The following FOXP1 variants were observed in gnomAD, a reference collection of about 807,000 sequenced individuals.
The protein encoded by FOXP1 is forkhead box P1, also known as forkhead box protein P1.
Under a neutral mutation model 98.2 loss-of-function variants are expected in FOXP1, and 15 were observed. The ratio of observed to expected loss-of-function variants is 0.15; its 90% CI spans 0.10 to 0.24. The LOEUF (loss-of-function observed/expected upper bound fraction) is 0.24, where lower values mean the gene tolerates loss of function less well. Among genes scored for constraint, FOXP1 ranks in the 10% least tolerant of loss-of-function variants. The probability of loss-of-function intolerance (pLI) is 1.00; values close to 1 mark genes in which losing one functional copy is unlikely to be tolerated. For missense variants in FOXP1, 633 were observed against 848.5 expected, an observed-to-expected ratio of 0.75 and a Z score of 3.15; for synonymous variants, 371 against 314.5, an observed-to-expected ratio of 1.18 and a Z score of -1.90.
At chr3:71,134,855 C>T (rs184440056) in intron 6 of FOXP1, among the ~76,000 whole-genome samples, 9 of 152,084 alleles carry the variant, frequency 5.9e-5, no homozygotes, top group African/African-American at 2.2e-4. Context: ...CTATTTGTAC[C>T]CCCCAACACT....
chr3:71,199,579 A>G (rs995380502), intron 5 of FOXP1, among the ~76,000 whole-genome samples: 2 of 150,528 alleles, frequency 1.3e-5, no homozygotes, highest in East Asian at 4.0e-4. Flanking sequence ...GTAGAAAAAA[A>G]GAAAAAAAAA....
At chr3:71,170,099 C>T (rs186006642) in intron 6 of FOXP1, among the ~76,000 whole-genome samples, 19 of 152,240 alleles carry the variant, frequency 1.2e-4, no homozygotes, top group East Asian at 3.9e-4. Flanking sequence ...TCAGCACAAT[C>T]GTATTTATCT....
chr3:71,058,571 C>A (rs1253292042), intron 7 of FOXP1, among the ~76,000 whole-genome samples: 1 of 133,636 alleles, frequency 7.5e-6, no homozygotes. Flanking sequence ...CAAAACCAAA[C>A]AGAGAAAATA....
At chr3:71,519,497 T>C (rs1235896228) in intron 2 of FOXP1, among the ~76,000 whole-genome samples, 1 of 152,160 alleles carries the variant, frequency 6.6e-6, no homozygotes, top group African/African-American at 2.4e-5. Context: ...ATAAGTATAT[T>C]AGGATTCTCT....
At chr3:71,413,512 C>A (rs1226909901) in intron 3 of FOXP1, among the ~76,000 whole-genome samples, 1 of 152,076 alleles carries the variant, frequency 6.6e-6, no homozygotes, top group African/African-American at 2.4e-5. Flanking sequence ...CCTCCCCCCA[C>A]CCTGCAAAAT....
Position 70,959,209 on chromosome 3 carries a change from T to C in FOXP1, c.*38A>G, listed in dbSNP as rs760407960. On this transcript the variant is annotated 3_prime_UTR_variant, in exon 21 of 21. Transcript: ENST00000649528. Reference sequence around the variant, plus strand: ...TGACGTGTTTTTTTTTTTTTCCTTTTTCCAATCTTCATTCTCGGGGTTGGC... The same window carrying C: ...TGACGTGTTTTTTTTTTTTTCCTTTCTCCAATCTTCATTCTCGGGGTTGGC... 2 of 1,611,094 alleles carry C rather than the reference T, an allele frequency of 1.2e-6. No homozygotes were observed. The highest frequency in any genetic ancestry group is 2.2e-5 in the South Asian group (2 of 90,682).
intron 6 of FOXP1, among the ~76,000 whole-genome samples, chr3:71,171,014 AAACT>A (rs1367649458): frequency 6.6e-6 from 1 of 152,074 alleles, no homozygotes; most frequent in African/African-American, 2.4e-5. Flanking sequence ...TCTTCACCTA[AAACT>A]AACTGCAAAA....
chr3:71,276,000 T>G (rs765091578), intron 5 of FOXP1: 21 of 152,160 alleles, frequency 1.4e-4, no homozygotes, highest in Non-Finnish European at 2.8e-4. Flanking sequence ...CCACGCTAAT[T>G]TGCACAAATG....
intron 7 of FOXP1, among the ~76,000 whole-genome samples, chr3:71,060,700 C>T (rs918710446): frequency 6.6e-6 from 1 of 152,008 alleles, no homozygotes; most frequent in African/African-American, 2.4e-5. Context: ...AATAACAAGC[C>T]CTTGAGAAAT....
At chr3:71,554,474 T>C (rs1307232590) in intron 2 of FOXP1, among the ~76,000 whole-genome samples, 5 of 152,230 alleles carry the variant, frequency 3.3e-5, no homozygotes, top group African/African-American at 9.6e-5. Flanking sequence ...TAATGTTAGA[T>C]GCTTTACCTT....
chr3:71,403,382 A>C lies in FOXP1; in HGVS notation c.-167-44138T>G, dbSNP rs186783316. On this transcript the variant is annotated intron_variant, in intron 3 of 20. Coordinates refer to ENST00000649528, the MANE Select transcript of FOXP1 (RefSeq NM_001349338.3). Reference sequence around the variant, plus strand: ...CTCATCACTGAAAGTTTTCAGGGTGATGGCTCATAAATGGTGAAGAAAAAA... The same window carrying C: ...CTCATCACTGAAAGTTTTCAGGGTGCTGGCTCATAAATGGTGAAGAAAAAA... Among the ~76,000 whole-genome samples, 432 of 152,364 alleles carry C rather than the reference A, an allele frequency of 2.8e-3. 2 individuals carry two copies. Among genetic ancestry groups the C allele is most frequent in the African/African-American group, 0.01 (417 of 41,590 alleles).
intron 5 of FOXP1, among the ~76,000 whole-genome samples, chr3:71,203,410 C>G (rs889835291): frequency 2.0e-5 from 3 of 152,194 alleles, no homozygotes; most frequent in Admixed American, 2.0e-4. Flanking sequence ...CAGAGCTGCT[C>G]TCTGGAAGTA....
intron 5 of FOXP1, among the ~76,000 whole-genome samples, chr3:71,227,797 G>A (rs1300645697): frequency 2.0e-5 from 3 of 151,548 alleles, no homozygotes; most frequent in South Asian, 2.1e-4. Context: ...ATCCTGAAAC[G>A]TATTTACCTG....
At chr3:71,319,618 T>C (rs972318772) in intron 4 of FOXP1, among the ~76,000 whole-genome samples, 2 of 152,148 alleles carry the variant, frequency 1.3e-5, no homozygotes, top group African/African-American at 2.4e-5. Context: ...TCTCCACTTA[T>C]TCATCTTCTA....
intron 5 of FOXP1, among the ~76,000 whole-genome samples, chr3:71,246,765 G>T (rs531441118): frequency 4.4e-4 from 67 of 152,232 alleles, no homozygotes; most frequent in Non-Finnish European, 8.8e-4. Flanking sequence ...AGTTCAGCGC[G>T]TCTTAGCACT....
intron 2 of FOXP1, among the ~76,000 whole-genome samples, chr3:71,549,082 C>A (rs555754766): frequency 2.0e-5 from 3 of 152,284 alleles, no homozygotes; most frequent in South Asian, 4.1e-4. Flanking sequence ...TTGTTGACTT[C>A]TGAGCTGCTA....
chr3:71,300,040 C>G (rs910745063), intron 4 of FOXP1, among the ~76,000 whole-genome samples, 160 bp from the exon 5 acceptor site: 4 of 152,220 alleles, frequency 2.6e-5, no homozygotes, highest in Non-Finnish European at 4.4e-5. Context: ...CTCTACTTAT[C>G]TGGACCATAT....
At chr3:71,539,203 C>A in intron 2 of FOXP1, among the ~76,000 whole-genome samples, 1 of 150,204 alleles carries the variant, frequency 6.7e-6, no homozygotes. Flanking sequence ...GCTCCGCCTC[C>A]CGGGTTCACG....
chr3:71,090,581 C>T (rs2055700090), intron 7 of FOXP1, among the ~76,000 whole-genome samples: 1 of 152,180 alleles, frequency 6.6e-6, no homozygotes, highest in African/African-American at 2.4e-5. Context: ...TGAGCATACT[C>T]CCTGATCTTC....
Sources: allele counts gnomAD v4.1 joint callset (sites outside exome capture counted in the v4.1 genomes callset), GRCh38; gene constraint gnomAD v4.1.1; transcripts MANE v1.5; gene names NCBI Gene and HGNC (gene_info 2026-07-23, HGNC 2026-07-21).